Variants in EFCAB8 observed in about 807,000 individuals in gnomAD.
EFCAB8 encodes EF-hand calcium binding domain 8.
A neutral mutation model predicts 116.3 loss-of-function variants in EFCAB8; 100 were observed. The observed-to-expected ratio is 0.86, with a 90% CI of 0.73 to 1.02. EFCAB8 has a LOEUF of 1.02. EFCAB8 is among the 50% of genes least tolerant of loss of function. The probability of loss-of-function intolerance (pLI) is 0.00; values close to 1 mark genes in which losing one functional copy is unlikely to be tolerated. For synonymous variants in EFCAB8, 558 were observed against 567.9 expected (o/e 0.98, Z 0.25); for missense variants, 1,320 against 1,416.9 (o/e 0.93, Z 1.10).
intron 15 of EFCAB8, among the ~76,000 whole-genome samples, chr20:32,910,427 G>A (rs150189067): frequency 1.3e-3 from 196 of 152,292 alleles, no homozygotes; most frequent in African/African-American, 4.6e-3. Context: ...ATGAGGAGTT[G>A]CTTCTGAGGT....
At chr20:32,945,550 C>G (rs192408292) in intron 23 of EFCAB8, among the ~76,000 whole-genome samples, 3 of 152,288 alleles carry the variant, frequency 2.0e-5, no homozygotes, top group African/African-American at 7.2e-5. Flanking sequence ...ATTTTTATTA[C>G]GGTTACTTAG....
Position 32,961,341 on chromosome 20 carries a change from C to A in EFCAB8, c.3599C>A (p.Ser1200Tyr). 6.7e-7 allele frequency: 1 copy of A among 1,481,938 alleles called. No homozygotes were observed. Among genetic ancestry groups the A allele is most frequent in the Non-Finnish European group, 9.0e-7 (1 of 1,116,058 alleles). The allele number at this position is 1,481,938 out of a possible 1,614,324, so 91.8% of individuals were successfully genotyped here. Reference protein sequence around the residue: ...DSTPAAASSPSSLLSVTASAS... With the variant: ...DSTPAAASSPYSLLSVTASAS... ...ACGCCTGCGGCCGCCTCCTCCCCAT[C>A]TTCCTTGTTATCTGTCACTGCCTCA... The change falls in exon 27 of 27, where the codon TCT (serine) becomes TAT (tyrosine). Residue 1200 changes from serine (S) to tyrosine (Y), a missense_variant. Ser to Tyr is a moderately radical substitution (Grantham distance 144). Transcript: ENST00000400522.
chr20:32,924,245 A>C (rs1987584515), intron 20 of EFCAB8, among the ~76,000 whole-genome samples: 1 of 152,024 alleles, frequency 6.6e-6, no homozygotes, highest in African/African-American at 2.4e-5. Context: ...ATATATATTT[A>C]TAGAGATGGA....
intron 1 of EFCAB8, among the ~76,000 whole-genome samples, chr20:32,861,495 G>T (rs1984112878): frequency 6.6e-6 from 1 of 152,048 alleles, no homozygotes; most frequent in Non-Finnish European, 1.5e-5. Flanking sequence ...CTCCATGCTG[G>T]CCAGGCTGGT....
At position 32,959,652 on chromosome 20, in the gene EFCAB8, G is replaced by A; in HGVS notation, c.3090-126G>A. The A allele has an allele frequency of 1.4e-5, 10 of 704,778 alleles. No homozygotes were observed. In the South Asian group the frequency reaches 1.8e-4, roughly 12 times the overall value. The allele number at this position is 704,778 out of a possible 1,614,324, so 43.7% of individuals were successfully genotyped here. A position where few individuals can be genotyped will look rare whatever the true frequency, so the allele number is the denominator to read the frequency against. Reference sequence around the variant, plus strand: ...TCAGTGATGGACTCTGGGGAGTCTGGCCTGAGGGAGGGATGGAAGATTGGA... The same window carrying A: ...TCAGTGATGGACTCTGGGGAGTCTGACCTGAGGGAGGGATGGAAGATTGGA... On this transcript the variant is annotated intron_variant, in intron 24 of 26. Coordinates refer to ENST00000400522, the MANE Select transcript of EFCAB8 (RefSeq NM_001143967.2).
chr20:32,937,277 G>A (rs1410908556), intron 22 of EFCAB8, among the ~76,000 whole-genome samples: 1 of 152,062 alleles, frequency 6.6e-6, no homozygotes, highest in East Asian at 1.9e-4. Flanking sequence ...ACTGCCCACT[G>A]CACCTAGCTG....
At chr20:32,882,339 C>T (rs749019599) in intron 5 of EFCAB8, among the ~76,000 whole-genome samples, 2 of 152,192 alleles carry the variant, frequency 1.3e-5, no homozygotes, top group South Asian at 4.1e-4. Context: ...AGCATTTCCT[C>T]GTTGGTCACT....
In EFCAB8 at chr20:32,879,583, C is replaced by T. The variant is rs182152298; in HGVS notation, c.431+776C>T. ...ACGGGAGCCTCTGTAGGAAATGAAG[C>T]CCCTAAGAAACAGATAACCTGAGGG... On this transcript the variant is annotated intron_variant, in intron 5 of 26. Coordinates refer to ENST00000400522, the MANE Select transcript of EFCAB8 (RefSeq NM_001143967.2). 1.5e-3 allele frequency among the ~76,000 whole-genome samples: 227 copies of T among 152,192 alleles called. 1 individual carries two copies. The highest frequency in any genetic ancestry group is 9.0e-3 in the Admixed American group (138 of 15,284).
intron 20 of EFCAB8, among the ~76,000 whole-genome samples, chr20:32,929,138 C>CT (rs111348902): frequency 3.0e-4 from 43 of 145,468 alleles, no homozygotes; most frequent in East Asian, 6.0e-4. Flanking sequence ...TCTCTGTAGT[C>CT]TTTTTTTTTT....
At chr20:32,960,389 G>A (rs1295787246) in intron 26 of EFCAB8, among the ~76,000 whole-genome samples, 2 of 152,210 alleles carry the variant, frequency 1.3e-5, no homozygotes, top group Admixed American at 6.5e-5. Flanking sequence ...TGTCCTTGAG[G>A]ACAAGCCTCA....
Position 32,906,936 on chromosome 20 carries a change from C to T in EFCAB8, c.1250C>T (p.Thr417Met), listed in dbSNP as rs1023281296. The change falls in exon 13 of 27, where the codon ACG becomes ATG. Residue 417 changes from threonine to methionine, a missense_variant. By Grantham distance (81) the Thr-to-Met change is moderately conservative. Coordinates refer to ENST00000400522, the MANE Select transcript of EFCAB8 (RefSeq NM_001143967.2). ...WLMKGHQTSVTHILVDSRNNS... is the reference protein window; with the variant it reads ...WLMKGHQTSVMHILVDSRNNS... Reference sequence around the variant, plus strand: ...ATGAAGGGACACCAGACCTCAGTGACGCACATCCTTGTGGATAGCAGGAAC... The same window carrying T: ...ATGAAGGGACACCAGACCTCAGTGATGCACATCCTTGTGGATAGCAGGAAC... 29 of 1,548,644 alleles carry T rather than the reference C, an allele frequency of 1.9e-5. No individual in the cohort carries two copies. Among genetic ancestry groups the T allele is most frequent in the South Asian group, 7.2e-5 (6 of 83,550 alleles).
intron 17 of EFCAB8, among the ~76,000 whole-genome samples, chr20:32,915,672 C>CTT (rs34915357): frequency 3.7e-4 from 53 of 141,776 alleles, no homozygotes; most frequent in Non-Finnish European, 6.0e-4. Flanking sequence ...CTATTACCTA[C>CTT]TTTTTTTTTT....
At chr20:32,875,266 T>C (rs562990635) in intron 3 of EFCAB8, among the ~76,000 whole-genome samples, 1 of 151,928 alleles carries the variant, frequency 6.6e-6, no homozygotes, top group Non-Finnish European at 1.5e-5. Context: ...GACAGAAGCG[T>C]CCGGAATTGG....
chr20:32,953,524 C>T (rs748711436), intron 23 of EFCAB8, among the ~76,000 whole-genome samples: 13 of 152,134 alleles, frequency 8.5e-5, no homozygotes, highest in Non-Finnish European at 1.8e-4. Context: ...TTGAAACAGC[C>T]ATTCTAATGG....
At chr20:32,942,511 AC>A (rs1212113254) in intron 22 of EFCAB8, among the ~76,000 whole-genome samples, 2 of 151,756 alleles carry the variant, frequency 1.3e-5, no homozygotes, top group Admixed American at 6.6e-5. Context: ...ACATAGTGAG[AC>A]CCCATCTCTA....
chr20:32,860,912 G>A (rs892520239), intron 1 of EFCAB8, among the ~76,000 whole-genome samples: 2 of 151,880 alleles, frequency 1.3e-5, no homozygotes, highest in African/African-American at 4.8e-5. Context: ...ATAATTTTTT[G>A]TATGTTTTGT....
intron 2 of EFCAB8, among the ~76,000 whole-genome samples, chr20:32,864,390 C>G (rs1241417214): frequency 6.6e-6 from 1 of 152,012 alleles, no homozygotes; most frequent in African/African-American, 2.4e-5. Context: ...TGAGACCTGC[C>G]TGGGCAACAT....
chr20:32,908,141 A>ATG (rs1986764106), intron 13 of EFCAB8, 134 bp from the exon 14 acceptor site: 5 of 802,998 alleles, frequency 6.2e-6, no homozygotes, highest in East Asian at 3.4e-5. Flanking sequence ...TGCCAACACC[A>ATG]TGTGTGTGTG....
intron 5 of EFCAB8, 111 bp from the exon 6 acceptor site, chr20:32,885,394 C>G: frequency 7.0e-7 from 1 of 1,426,438 alleles, no homozygotes; most frequent in Non-Finnish European, 9.4e-7. Flanking sequence ...GTGTGCGTGA[C>G]GCTCCGCCGG....
Sources: allele counts gnomAD v4.1 joint callset (sites outside exome capture counted in the v4.1 genomes callset), GRCh38; gene constraint gnomAD v4.1.1; transcripts MANE v1.5; gene names NCBI Gene and HGNC (gene_info 2026-07-23, HGNC 2026-07-21).